Variants in PAPPA2 observed in about 807,000 individuals in gnomAD.
The protein encoded by PAPPA2 is pappalysin 2.
Under a neutral mutation model 176.4 loss-of-function variants are expected in PAPPA2, and 86 were observed. That is an observed-to-expected ratio of 0.49 (90% CI 0.41 to 0.58). The LOEUF (loss-of-function observed/expected upper bound fraction) is 0.58. Ranked by LOEUF, PAPPA2 falls within the 20% of genes least tolerant of loss-of-function variation. PAPPA2 has a pLI of 0.00. For synonymous variants in PAPPA2, 809 were observed against 852.2 expected, an observed-to-expected ratio of 0.95 and a Z score of 0.88; for missense variants, 2,073 against 2,256.9, an observed-to-expected ratio of 0.92 and a Z score of 1.65.
chr1:176,478,075 C>T (rs1652222906), intron 1 of PAPPA2, among the ~76,000 whole-genome samples: 1 of 152,192 alleles, frequency 6.6e-6, no homozygotes, highest in Admixed American at 6.5e-5. Context: ...GCCTGATCAC[C>T]TTGCGTAGGA....
intron 1 of PAPPA2, among the ~76,000 whole-genome samples, chr1:176,503,991 C>T (rs1648109209): frequency 6.6e-6 from 1 of 152,126 alleles, no homozygotes; most frequent in Non-Finnish European, 1.5e-5. Context: ...AAGGAAGTCA[C>T]TTGAAAGTTT....
At chr1:176,698,007 G>A (rs187959746) in intron 7 of PAPPA2, among the ~76,000 whole-genome samples, 1 of 152,058 alleles carries the variant, frequency 6.6e-6, no homozygotes, top group South Asian at 2.1e-4. Flanking sequence ...ACACACAGTT[G>A]CACACACATA....
intron 17 of PAPPA2, among the ~76,000 whole-genome samples, chr1:176,780,739 G>A (rs1488775118): frequency 1.3e-5 from 2 of 151,656 alleles, no homozygotes; most frequent in African/African-American, 2.4e-5. Flanking sequence ...GCATATTCTC[G>A]GTGCTCAATA....
intron 21 of PAPPA2, among the ~76,000 whole-genome samples, chr1:176,813,875 A>G (rs1322457778): frequency 6.6e-6 from 1 of 152,110 alleles, no homozygotes; most frequent in Admixed American, 6.5e-5. Context: ...CCTATGTTGA[A>G]TGGTATTGCC....
chr1:176,468,699 T>C (rs952916815), intron 1 of PAPPA2, among the ~76,000 whole-genome samples: 4 of 152,178 alleles, frequency 2.6e-5, no homozygotes, highest in African/African-American at 9.6e-5. Context: ...CTGCTAGTCA[T>C]TGGTCACAGG....
intron 3 of PAPPA2, among the ~76,000 whole-genome samples, chr1:176,631,639 C>A: frequency 6.6e-6 from 1 of 152,062 alleles, no homozygotes; most frequent in East Asian, 1.9e-4. Context: ...TTGGATTTGA[C>A]AATATGGATA....
intron 1 of PAPPA2, among the ~76,000 whole-genome samples, chr1:176,492,710 A>G (rs1197793539): frequency 3.9e-5 from 6 of 152,188 alleles, no homozygotes; most frequent in African/African-American, 9.7e-5. Context: ...ATGTTTCTCA[A>G]TTATAATAAT....
chr1:176,785,415 A>G (rs997205976), intron 17 of PAPPA2, among the ~76,000 whole-genome samples: 1 of 152,194 alleles, frequency 6.6e-6, no homozygotes, highest in Non-Finnish European at 1.5e-5. Context: ...AGAGAGATGC[A>G]GAAGTCCTGG....
rs573008702 is a variant in PAPPA2, at chr1:176,472,722, A to G, written c.-917+9304A>G. ...AAACTTCCAGTACAACTTTTGTGTG[A>G]TAGGTTTTTACAAGCATAACAGTTT... On this transcript the variant is annotated intron_variant, in intron 1 of 22. Transcript: ENST00000367662. Among the ~76,000 whole-genome samples the G allele has an allele frequency of 7.9e-5, 12 of 152,274 alleles. No homozygotes were observed. The South Asian group carries it at 2.5e-3, about 32-fold the overall frequency.
chr1:176,513,296 T>A (rs959571361), intron 1 of PAPPA2, among the ~76,000 whole-genome samples: 9 of 152,192 alleles, frequency 5.9e-5, no homozygotes, highest in African/African-American at 2.2e-4. Context: ...GCTTTTTGGA[T>A]AAACTTGTTA....
chr1:176,653,862 C>A (rs528526491), intron 3 of PAPPA2, among the ~76,000 whole-genome samples: 14 of 151,774 alleles, frequency 9.2e-5, no homozygotes, highest in Non-Finnish European at 1.6e-4. Context: ...ACTTGAATTG[C>A]CAGGAACATT....
At chr1:176,527,459 A>G (rs1649560376) in intron 1 of PAPPA2, among the ~76,000 whole-genome samples, 1 of 152,236 alleles carries the variant, frequency 6.6e-6, no homozygotes, top group Non-Finnish European at 1.5e-5. Context: ...AAAGATAGAT[A>G]GAATGTAAGT....
chr1:176,559,737 C>T (rs1442247829), intron 2 of PAPPA2, among the ~76,000 whole-genome samples: 3 of 152,214 alleles, frequency 2.0e-5, no homozygotes, highest in Non-Finnish European at 4.4e-5. Flanking sequence ...GAGCCACATA[C>T]AATTCAGCAA....
chr1:176,505,019 C>T (rs979360953), intron 1 of PAPPA2, among the ~76,000 whole-genome samples: 11 of 152,098 alleles, frequency 7.2e-5, no homozygotes, highest in African/African-American at 2.7e-4. Flanking sequence ...CTACCTAATA[C>T]AGGGAGTTAC....
chr1:176,691,747 A>G (rs1330111851), intron 5 of PAPPA2, among the ~76,000 whole-genome samples: 2 of 152,152 alleles, frequency 1.3e-5, no homozygotes, highest in Non-Finnish European at 2.9e-5. Context: ...ACCTCTGCCA[A>G]CGTCACTGGG....
chr1:176,760,637 G>T (rs1014934577), intron 14 of PAPPA2, among the ~76,000 whole-genome samples: 1 of 152,150 alleles, frequency 6.6e-6, no homozygotes, highest in Non-Finnish European at 1.5e-5. Flanking sequence ...GGCTTCCCAA[G>T]TACAGTTATC....
chr1:176,551,156 G>A (rs967765572), intron 1 of PAPPA2, among the ~76,000 whole-genome samples: 1 of 152,194 alleles, frequency 6.6e-6, no homozygotes, highest in African/African-American at 2.4e-5. Flanking sequence ...GATAGAGCCC[G>A]ACTCCCATCT....
At position 176,740,576 on chromosome 1, in the gene PAPPA2, A is replaced by G. The variant is rs1571255996; in HGVS notation, c.4151+380A>G. Among the ~76,000 whole-genome samples the G allele has an allele frequency of 2.6e-5, 4 of 152,298 alleles. No individual in the cohort carries two copies. The South Asian group carries it at 8.3e-4, about 32-fold the overall frequency. ...TTTTTCCACTTCTTTCCACCTGGAC[A>G]GTGTATATAGCAAGTTTAACAATTG... On this transcript the variant is annotated intron_variant, in intron 14 of 22. Transcript: ENST00000367662.
intron 12 of PAPPA2, among the ~76,000 whole-genome samples, chr1:176,719,803 C>A (rs2102847581): frequency 6.6e-6 from 1 of 152,186 alleles, no homozygotes; most frequent in South Asian, 2.1e-4. Context: ...CCTTTTTAGC[C>A]AATTCCCTCT....
Sources: allele counts gnomAD v4.1 joint callset (sites outside exome capture counted in the v4.1 genomes callset), GRCh38; gene constraint gnomAD v4.1.1; transcripts MANE v1.5; gene names NCBI Gene and HGNC (gene_info 2026-07-23, HGNC 2026-07-21).